LRFN5: variants seen among roughly 807,000 people sequenced by gnomAD.
The protein encoded by LRFN5 is leucine rich repeat and fibronectin type III domain containing 5, also known as leucine-rich repeat and fibronectin type-III domain-containing protein 5.
In LRFN5, 24 loss-of-function variants were observed where a neutral mutation model predicts 45.6. The ratio of observed to expected loss-of-function variants is 0.53; its 90% CI spans 0.38 to 0.74. The LOEUF (loss-of-function observed/expected upper bound fraction) is 0.74. Ranked by LOEUF, LRFN5 falls within the 30% of genes least tolerant of loss-of-function variation. LRFN5 has a pLI of 0.00. For synonymous variants in LRFN5, 340 were observed against 313.8 expected (o/e 1.08, Z -0.88); for missense variants, 776 against 861.5 (o/e 0.90, Z 1.24).
intron 1 of LRFN5, among the ~76,000 whole-genome samples, chr14:41,670,632 T>C (rs988088042): frequency 8.6e-5 from 13 of 151,924 alleles, no homozygotes; most frequent in African/African-American, 3.1e-4. Context: ...TTTAATTTTT[T>C]TGAAATTCAT....
rs139349823 is a variant in LRFN5 at position 41,682,215 on chromosome 14, C to T, written c.-197+73653C>T. On this transcript the variant is annotated intron_variant, in intron 1 of 5. Coordinates refer to ENST00000298119, the MANE Select transcript of LRFN5 (RefSeq NM_152447.5). ...GAGTTAAGATCGTGGCACTACACTCCAGTCTGGGCAACAGAGCAAGACTTC... is the reference window on the plus strand; with the variant it reads ...GAGTTAAGATCGTGGCACTACACTCTAGTCTGGGCAACAGAGCAAGACTTC... 1.1e-4 allele frequency among the ~76,000 whole-genome samples: 17 copies of T among 151,972 alleles called. No individual in the cohort carries two copies. In the East Asian group the frequency reaches 3.3e-3, roughly 29 times the overall value.
At chr14:41,901,091 G>A (rs561596150) in intron 5 of LRFN5, among the ~76,000 whole-genome samples, 1 of 151,992 alleles carries the variant, frequency 6.6e-6, no homozygotes, top group East Asian at 1.9e-4. Flanking sequence ...TATAAAAGTT[G>A]AGTGGCCTTG....
At chr14:41,777,909 C>G (rs1217729856) in intron 2 of LRFN5, among the ~76,000 whole-genome samples, 1 of 151,032 alleles carries the variant, frequency 6.6e-6, no homozygotes, top group Non-Finnish European at 1.5e-5. Flanking sequence ...AAACCTTAAT[C>G]CTGTTTCTGA....
chr14:41,874,236 A>G (rs1376555421), intron 2 of LRFN5, among the ~76,000 whole-genome samples: 1 of 152,168 alleles, frequency 6.6e-6, no homozygotes, highest in East Asian at 1.9e-4. Context: ...TTATCCTGCA[A>G]TGAGATGCAG....
chr14:41,751,578 T>A (rs1234810344), intron 1 of LRFN5, among the ~76,000 whole-genome samples: 1 of 152,006 alleles, frequency 6.6e-6, no homozygotes, highest in East Asian at 1.9e-4. Context: ...ATGTATCTGT[T>A]TATCTCATCT....
intron 1 of LRFN5, among the ~76,000 whole-genome samples, chr14:41,765,768 A>G (rs1192463330): frequency 6.6e-6 from 1 of 152,212 alleles, no homozygotes; most frequent in Non-Finnish European, 1.5e-5. Context: ...ATTGAAATAT[A>G]TAAGCTATAA....
intron 2 of LRFN5, among the ~76,000 whole-genome samples, chr14:41,818,222 C>T (rs184223293): frequency 5.3e-5 from 8 of 151,938 alleles, no homozygotes; most frequent in African/African-American, 1.9e-4. Context: ...CATTCTATTT[C>T]CTGGATAAAT....
At chr14:41,857,623 T>C (rs1889516322) in intron 2 of LRFN5, among the ~76,000 whole-genome samples, 1 of 152,180 alleles carries the variant, frequency 6.6e-6, no homozygotes, top group Admixed American at 6.5e-5. Context: ...AACACTGTGG[T>C]CGAACCTGTA....
intron 2 of LRFN5, among the ~76,000 whole-genome samples, chr14:41,779,958 A>G (rs1214288779): frequency 6.6e-6 from 1 of 151,760 alleles, no homozygotes; most frequent in Non-Finnish European, 1.5e-5. Flanking sequence ...TTCTGCTTTA[A>G]TTACTATTGT....
intron 1 of LRFN5, among the ~76,000 whole-genome samples, chr14:41,632,736 A>G (rs892356188): frequency 6.6e-6 from 1 of 152,214 alleles, no homozygotes; most frequent in South Asian, 2.1e-4. Context: ...AACAGGAAAA[A>G]AAGGCAAGGA....
intron 2 of LRFN5, among the ~76,000 whole-genome samples, chr14:41,767,777 G>A (rs1197475860): frequency 6.6e-6 from 1 of 152,144 alleles, no homozygotes; most frequent in African/African-American, 2.4e-5. Flanking sequence ...TCAGGTAAAT[G>A]TATTAGTTAA....
intron 1 of LRFN5, among the ~76,000 whole-genome samples, chr14:41,629,755 C>G (rs1167985287): frequency 2.0e-5 from 3 of 152,146 alleles, no homozygotes; most frequent in Non-Finnish European, 4.4e-5. Context: ...TGTCACATGT[C>G]TTAGTTCCCA....
intron 2 of LRFN5, among the ~76,000 whole-genome samples, chr14:41,818,732 A>G (rs1014417485): frequency 2.0e-5 from 3 of 152,046 alleles, no homozygotes; most frequent in Non-Finnish European, 2.9e-5. Flanking sequence ...TCTTTGTTTC[A>G]TCTCTTTACC....
At chr14:41,720,179 C>T (rs1883658306) in intron 1 of LRFN5, among the ~76,000 whole-genome samples, 1 of 151,986 alleles carries the variant, frequency 6.6e-6, no homozygotes. Context: ...CCATGAGTAC[C>T]TAATGTTTAG....
At chr14:41,641,200 G>T (rs17112160) in intron 1 of LRFN5, among the ~76,000 whole-genome samples, 9 of 151,996 alleles carry the variant, frequency 5.9e-5, no homozygotes, top group African/African-American at 2.2e-4. Context: ...TTTAGAGGGC[G>T]TTTGAAAACG....
At chr14:41,657,865 A>G (rs1362599283) in intron 1 of LRFN5, among the ~76,000 whole-genome samples, 2 of 151,954 alleles carry the variant, frequency 1.3e-5, no homozygotes, top group Non-Finnish European at 2.9e-5. Context: ...TCGCATAGAA[A>G]CTGGAATTAG....
intron 2 of LRFN5, among the ~76,000 whole-genome samples, chr14:41,781,631 A>AG (rs1886522064): frequency 7.0e-6 from 1 of 143,734 alleles, no homozygotes; most frequent in African/African-American, 2.6e-5. Context: ...AGAAAGAAAG[A>AG]AAGGAAAGAA....
chr14:41,616,160 A>G (rs1311079089), intron 1 of LRFN5, among the ~76,000 whole-genome samples: 1 of 152,122 alleles, frequency 6.6e-6, no homozygotes, highest in Non-Finnish European at 1.5e-5. Context: ...CATAATAAAT[A>G]TGAACAACAA....
At chr14:41,814,581 A>G (rs1163082441) in intron 2 of LRFN5, among the ~76,000 whole-genome samples, 1 of 152,070 alleles carries the variant, frequency 6.6e-6, no homozygotes, top group Non-Finnish European at 1.5e-5. Flanking sequence ...TGTTGGCCTT[A>G]TTTCTTGAGT....
Sources: allele counts gnomAD v4.1 joint callset (sites outside exome capture counted in the v4.1 genomes callset), GRCh38; gene constraint gnomAD v4.1.1; transcripts MANE v1.5; gene names NCBI Gene and HGNC (gene_info 2026-07-23, HGNC 2026-07-21).